TENM1: variants seen among roughly 807,000 people sequenced by gnomAD.
TENM1 encodes teneurin-1.
In TENM1, 35 loss-of-function variants were observed where a neutral mutation model predicts 174.8. That is an observed-to-expected ratio of 0.20 (90% CI 0.15 to 0.27). TENM1 has a LOEUF of 0.27. Among genes scored for constraint, TENM1 ranks in the 10% least tolerant of loss-of-function variants. The probability of loss-of-function intolerance (pLI) is 1.00; values close to 1 mark genes in which losing one functional copy is unlikely to be tolerated. For synonymous variants in TENM1, 781 were observed against 798.7 expected, an observed-to-expected ratio of 0.98 and a Z score of 0.37; for missense variants, 1,633 against 2,130.1, an observed-to-expected ratio of 0.77 and a Z score of 4.59.
exon 27 of TENM1, chrX:124,405,145 G>C (rs141510114): frequency 1.0e-4 from 124 of 1,209,663 alleles, no homozygotes; most frequent in South Asian, 5.3e-4. Flanking sequence ...ATTTGCCCAG[G>C]GTAGGGTTGA....
At chrX:124,840,456 A>G (rs1312998359) in intron 3 of TENM1, among the ~76,000 whole-genome samples, 8 of 112,090 alleles carry the variant, frequency 7.1e-5, no homozygotes, top group Non-Finnish European at 1.5e-4. Flanking sequence ...GAAAAATTCA[A>G]TCATTTATTT....
the TENM1 span, among the ~76,000 whole-genome samples, chrX:125,120,447 T>A: frequency 3.6e-5 from 4 of 110,758 alleles, no homozygotes; most frequent in Non-Finnish European, 5.7e-5. Context: ...GCATCAGCTC[T>A]TTTACCTAAT....
chrX:124,648,468 C>A (rs2051215695), intron 8 of TENM1, among the ~76,000 whole-genome samples: 2 of 111,961 alleles, frequency 1.8e-5, no homozygotes, highest in Non-Finnish European at 3.8e-5. Flanking sequence ...GCAAATAACA[C>A]CTGACATTCA....
In TENM1 at chrX:124,518,063, G is replaced by C. The variant is rs138578020; in HGVS notation, c.3301+2454C>G. 5.2e-3 allele frequency among the ~76,000 whole-genome samples: 576 copies of C among 110,798 alleles called. 3 individuals carry two copies. Among genetic ancestry groups the C allele is most frequent in the Non-Finnish European group, 8.2e-3 (435 of 52,921 alleles). On this transcript the variant is annotated intron_variant, in intron 18 of 31. Transcript: ENST00000422452. ...CAGAGTTAAGAGAATTATCAAGGAAGGGAGAGCCACCTAAGCACTGGCATA... is the reference window on the plus strand; with the variant it reads ...CAGAGTTAAGAGAATTATCAAGGAACGGAGAGCCACCTAAGCACTGGCATA...
At chrX:124,381,967 C>A (rs2060162080) in intron 31 of TENM1, among the ~76,000 whole-genome samples, 3 of 111,184 alleles carry the variant, frequency 2.7e-5, no homozygotes, top group Non-Finnish European at 5.7e-5. Context: ...ATTTATAGGA[C>A]CTATCTAGAA....
At chrX:124,422,438 C>T (rs1159993412) in exon 24 of TENM1, 8 of 1,209,256 alleles carry the variant, frequency 6.6e-6, no homozygotes, top group Admixed American at 2.2e-5. Flanking sequence ...TGATGGCCCT[C>T]GCTGACTCTA....
chrX:124,815,718 C>T (rs1247561900), intron 3 of TENM1, among the ~76,000 whole-genome samples: 3 of 110,903 alleles, frequency 2.7e-5, no homozygotes, highest in African/African-American at 9.8e-5. Flanking sequence ...AAAAATTAAA[C>T]ACTGTACTCT....
intron 20 of TENM1, among the ~76,000 whole-genome samples, chrX:124,495,032 A>G (rs2047162849): frequency 1.9e-5 from 2 of 104,949 alleles, no homozygotes; most frequent in Non-Finnish European, 3.9e-5. Flanking sequence ...ATACCCAGTA[A>G]TGGGATGGCT....
chrX:124,954,983 T>G (rs2058548404), intron 1 of TENM1, among the ~76,000 whole-genome samples: 1 of 111,661 alleles, frequency 9.0e-6, no homozygotes, highest in African/African-American at 3.3e-5. Context: ...TACTTTAACT[T>G]CTCACCACTA....
At chrX:124,669,665 GAA>G (rs1219524198) in intron 6 of TENM1, among the ~76,000 whole-genome samples, 1 of 111,306 alleles carries the variant, frequency 9.0e-6, no homozygotes, top group African/African-American at 3.3e-5. Context: ...CAGGCTTCCA[GAA>G]AAAGTCAGGA....
At chrX:124,690,923 G>C (rs111742263) in intron 5 of TENM1, among the ~76,000 whole-genome samples, 56 of 102,179 alleles carry the variant, frequency 5.5e-4, no homozygotes, top group African/African-American at 2.1e-3. Flanking sequence ...AAATTACCTA[G>C]CCTCAGGCAT....
At chrX:124,425,505 A>C (rs1021103788) in intron 23 of TENM1, among the ~76,000 whole-genome samples, 1 of 112,058 alleles carries the variant, frequency 8.9e-6, no homozygotes, top group Non-Finnish European at 1.9e-5. Context: ...GACAGACTTG[A>C]GCTGGCATGT....
the TENM1 span, among the ~76,000 whole-genome samples, chrX:125,179,055 C>T: frequency 1.8e-5 from 2 of 111,183 alleles, no homozygotes; most frequent in South Asian, 3.8e-4. Flanking sequence ...AAGGAAATGA[C>T]CTCATTTTAA....
the TENM1 span, among the ~76,000 whole-genome samples, chrX:125,102,281 C>T: frequency 3.8e-5 from 4 of 104,764 alleles, no homozygotes; most frequent in African/African-American, 1.4e-4. Context: ...GGGAGTTTTA[C>T]TTCTTTGCCT....
chrX:125,062,374 G>A, the TENM1 span, among the ~76,000 whole-genome samples: 1 of 111,446 alleles, frequency 9.0e-6, no homozygotes, highest in African/African-American at 3.3e-5. Flanking sequence ...TTTAAATGGT[G>A]ATTCTAAAAG....
At chrX:124,635,563 C>G (rs376997223) in intron 11 of TENM1, among the ~76,000 whole-genome samples, 2 of 112,156 alleles carry the variant, frequency 1.8e-5, no homozygotes, top group East Asian at 5.6e-4. Flanking sequence ...GAGTTGGCCT[C>G]TCTATTAAAT....
intron 4 of TENM1, among the ~76,000 whole-genome samples, chrX:124,707,678 C>A (rs2052943223): frequency 8.9e-6 from 1 of 111,984 alleles, no homozygotes. Flanking sequence ...AAATCTCCAC[C>A]TTTTTACAGG....
At chrX:124,438,332 G>A (rs61048215) in intron 23 of TENM1, among the ~76,000 whole-genome samples, 1,165 of 110,164 alleles carry the variant, frequency 0.011, 19 homozygotes, top group African/African-American at 0.036. Flanking sequence ...AGATACAGAA[G>A]TATCTTAGAT....
chrX:124,925,758 T>A (rs1443074561), intron 1 of TENM1, among the ~76,000 whole-genome samples: 1 of 112,074 alleles, frequency 8.9e-6, no homozygotes, highest in Admixed American at 9.5e-5. Context: ...GGAAGAGGGT[T>A]TTTCATGTAT....
Sources: allele counts gnomAD v4.1 joint callset (sites outside exome capture counted in the v4.1 genomes callset), GRCh38; gene constraint gnomAD v4.1.1; transcripts MANE v1.5; gene names NCBI Gene and HGNC (gene_info 2026-07-23, HGNC 2026-07-21).